The following LPGAT1 variants were observed in gnomAD, a reference collection of about 807,000 sequenced individuals.
The protein encoded by LPGAT1 is acyl-CoA:lysophosphatidylglycerol acyltransferase 1.
In LPGAT1, 11 loss-of-function variants were observed where a neutral mutation model predicts 47.5. The ratio of observed to expected loss-of-function variants is 0.23; its 90% CI spans 0.15 to 0.38. LPGAT1 has a LOEUF of 0.38. Among genes scored for constraint, LPGAT1 ranks in the 10% least tolerant of loss-of-function variants. The probability of loss-of-function intolerance (pLI) is 1.00; values close to 1 mark genes in which losing one functional copy is unlikely to be tolerated. For missense variants in LPGAT1, 293 were observed against 439.0 expected (o/e 0.67, Z 2.97); for synonymous variants, 138 against 144.2 (o/e 0.96, Z 0.31).
chr1:211,768,888 G>A (rs76691585), intron 6 of LPGAT1, among the ~76,000 whole-genome samples: 12,572 of 152,242 alleles, frequency 0.083, 647 homozygotes, highest in Admixed American at 0.15. Context: ...AAGACTTCTC[G>A]TGGAGGAGGA....
At position 211,743,801 on chromosome 1, in the gene LPGAT1, C is replaced by T. The variant is rs2102473757; in HGVS notation, c.*6098G>A. The T allele has an allele frequency of 6.6e-6, 1 of 152,122 alleles. No homozygotes were observed. The highest frequency in any genetic ancestry group is 2.1e-4 in the South Asian group (1 of 4,814). 9.4% of individuals were successfully genotyped at this position (152,122 alleles called of 1,614,324 possible). ...AATTAGAATCTCACCAAAACAGCAG[C>T]CTAAATACAGATAGAAAAATAAGAG... On this transcript the variant is annotated 3_prime_UTR_variant, in exon 8 of 8. Transcript: ENST00000366997.
intron 5 of LPGAT1, among the ~76,000 whole-genome samples, chr1:211,780,540 T>C (rs144656019): frequency 6.8e-4 from 104 of 152,342 alleles, no homozygotes; most frequent in African/African-American, 2.4e-3. Flanking sequence ...TAGGAATCAA[T>C]GATATATTAC....
Position 211,783,361 on chromosome 1 carries a change from C to A in LPGAT1, c.595G>T (p.Ala199Ser). 1 of 1,614,170 alleles carries A rather than the reference C, an allele frequency of 6.2e-7. No individual in the cohort carries two copies. Among genetic ancestry groups the A allele is most frequent in the African/African-American group, 1.3e-5 (1 of 75,054 alleles). The change falls in exon 5 of 8, where the codon GCC becomes TCC. Residue 199 changes from alanine to serine, a missense_variant. Ala to Ser is a moderately conservative substitution (Grantham distance 99). Coordinates refer to ENST00000366997, the MANE Select transcript of LPGAT1 (RefSeq NM_014873.3). ...RKRRETSQAF[A>S]KKNNLPFLTN... ...AGAAATGGCAAGTTATTTTTCTTGGCAAATGCCTGACTTGTTTCTCGCCTC... is the reference window on the plus strand; with the variant it reads ...AGAAATGGCAAGTTATTTTTCTTGGAAAATGCCTGACTTGTTTCTCGCCTC...
intron 3 of LPGAT1, among the ~76,000 whole-genome samples, chr1:211,789,874 A>AG (rs1659037781): frequency 6.6e-6 from 1 of 151,606 alleles, no homozygotes; most frequent in African/African-American, 2.4e-5. Flanking sequence ...TGTCTCAAAA[A>AG]AAAAAAAAAA....
rs1659203026 is a variant in LPGAT1 at position 211,793,134 on chromosome 1, C to G, written c.295G>C (p.Val99Leu). 1.2e-6 allele frequency: 2 copies of G among 1,610,804 alleles called. No homozygotes were observed. Among genetic ancestry groups the G allele is most frequent in the Non-Finnish European group, 1.7e-6 (2 of 1,178,540 alleles). The change falls in exon 3 of 8, where the codon GTG becomes CTG. Residue 99 changes from valine to leucine, a missense_variant. Physicochemically the swap from Val to Leu is conservative, Grantham distance 32. Transcript: ENST00000366997. Reference sequence around the variant, plus strand: ...ACATCTCCTGTTGCCTGATGATTCACCAACATCACTGCTTCATCTTTTGAA... The same window carrying G: ...ACATCTCCTGTTGCCTGATGATTCAGCAACATCACTGCTTCATCTTTTGAA... ...AVSKDEAVMLVNHQATGDVCT... is the reference protein window; with the variant it reads ...AVSKDEAVMLLNHQATGDVCT...
intron 1 of LPGAT1, chr1:211,829,715 A>G: frequency 8.8e-6 from 9 of 1,023,678 alleles, no homozygotes; most frequent in Non-Finnish European, 1.1e-5. Flanking sequence ...TGACCGAAAC[A>G]GGGTCCCCTC....
chr1:211,768,717 T>C (rs1397987362), intron 6 of LPGAT1, among the ~76,000 whole-genome samples: 1 of 152,244 alleles, frequency 6.6e-6, no homozygotes, highest in Non-Finnish European at 1.5e-5. Context: ...AATACCATTT[T>C]TATAATGCTC....
At position 211,747,259 on chromosome 1, in the gene LPGAT1, C is replaced by G. The variant is rs1656981175; in HGVS notation, c.*2640G>C. ...ACTGATAAGGAAAGCACTACCAATGCTTTCAAACATATTTTGCAAACAGAA... is the reference window on the plus strand; with the variant it reads ...ACTGATAAGGAAAGCACTACCAATGGTTTCAAACATATTTTGCAAACAGAA... On this transcript the variant is annotated 3_prime_UTR_variant, in exon 8 of 8. Transcript: ENST00000366997. 1 of 152,070 alleles carries G rather than the reference C, an allele frequency of 6.6e-6. No individual in the cohort carries two copies. Among genetic ancestry groups the G allele is most frequent in the Non-Finnish European group, 1.5e-5 (1 of 68,012 alleles). 9.4% of individuals were successfully genotyped at this position (152,070 alleles called of 1,614,324 possible).
At chr1:211,761,282 G>A (rs1047249116) in intron 6 of LPGAT1, among the ~76,000 whole-genome samples, 52 of 152,222 alleles carry the variant, frequency 3.4e-4, no homozygotes, top group African/African-American at 1.2e-3. Context: ...AATTCTGGTA[G>A]TCTTGGCACC....
chr1:211,819,158 G>A (rs374505813), intron 2 of LPGAT1, among the ~76,000 whole-genome samples: 4 of 152,082 alleles, frequency 2.6e-5, no homozygotes, highest in Non-Finnish European at 5.9e-5. Context: ...AAAAAACTGC[G>A]CAAAACTGCT....
At chr1:211,825,188 CTTTT>C (rs953536979) in intron 2 of LPGAT1, among the ~76,000 whole-genome samples, 5,210 of 70,270 alleles carry the variant, frequency 0.074, 34 homozygotes, top group Middle Eastern at 0.15. Flanking sequence ...GCACAGTCTT[CTTTT>C]TTTTTTTTTT....
chr1:211,830,647 C>T lies in LPGAT1; in HGVS notation c.-102G>A. 1 of 1,202,644 alleles carries T rather than the reference C, an allele frequency of 8.3e-7. No individual in the cohort carries two copies. Among genetic ancestry groups the T allele is most frequent in the Non-Finnish European group, 1.0e-6 (1 of 969,088 alleles). The allele number at this position is 1,202,644 out of a possible 1,614,324, so 74.5% of individuals were successfully genotyped here. A position where few individuals can be genotyped will look rare whatever the true frequency, so the allele number is the denominator to read the frequency against. On this transcript the variant is annotated 5_prime_UTR_variant, in exon 1 of 8. Coordinates refer to ENST00000366997, the MANE Select transcript of LPGAT1 (RefSeq NM_014873.3). This position sits in a 1 kb window ranked among gnomAD's most constrained non-coding sequence, Gnocchi z 5.9. ...AAGAATGCATGGCCGGCGGCGGGGC[C>T]GGCGGAAGAAGGCGGTGGCGGGGCC...
intron 3 of LPGAT1, among the ~76,000 whole-genome samples, chr1:211,790,436 T>C (rs1027202840): frequency 1.3e-5 from 2 of 152,188 alleles, no homozygotes; most frequent in African/African-American, 4.8e-5. Flanking sequence ...ATAGCCTTCC[T>C]TATTTGAAGG....
Position 211,784,970 on chromosome 1 carries a change from A to G in LPGAT1, c.454-1468T>C, listed in dbSNP as rs6693969. On this transcript the variant is annotated intron_variant, in intron 4 of 7. Coordinates refer to ENST00000366997, the MANE Select transcript of LPGAT1 (RefSeq NM_014873.3). ...AGGCGCCTGCCACCACACCCGGCTA[A>G]TTTTTTTTGTTTTTAGTAGAGATGG... 7.7e-3 allele frequency among the ~76,000 whole-genome samples: 1,164 copies of G among 151,604 alleles called. 20 individuals carry two copies. Among genetic ancestry groups the G allele is most frequent in the African/African-American group, 0.026 (1,082 of 41,302 alleles).
chr1:211,758,240 G>A (rs1008562165), intron 6 of LPGAT1, among the ~76,000 whole-genome samples: 1 of 152,170 alleles, frequency 6.6e-6, no homozygotes, highest in Non-Finnish European at 1.5e-5. Context: ...TACATATAAG[G>A]GTTAGGCTCA....
At chr1:211,826,302 C>A (rs1041500597) in intron 2 of LPGAT1, among the ~76,000 whole-genome samples, 1 of 152,116 alleles carries the variant, frequency 6.6e-6, no homozygotes, top group Middle Eastern at 3.2e-3. Flanking sequence ...CAAAAAAAAT[C>A]TGTTTAGAAC....
At chr1:211,817,353 C>T (rs909835374) in intron 2 of LPGAT1, among the ~76,000 whole-genome samples, 8 of 152,134 alleles carry the variant, frequency 5.3e-5, no homozygotes, top group African/African-American at 1.9e-4. Context: ...AGGTGGATCA[C>T]CTAAGGTCCG....
chr1:211,807,437 A>G (rs1051380816), intron 2 of LPGAT1, among the ~76,000 whole-genome samples: 52 of 152,276 alleles, frequency 3.4e-4, no homozygotes, highest in African/African-American at 1.2e-3. Context: ...AAGTCAGCAA[A>G]CTAGACTAGC....
At chr1:211,822,553 G>A (rs1340499368) in intron 2 of LPGAT1, among the ~76,000 whole-genome samples, 2 of 152,022 alleles carry the variant, frequency 1.3e-5, no homozygotes, top group Non-Finnish European at 2.9e-5. Flanking sequence ...GAGGCAGGTG[G>A]ATCACTTGAG....
Sources: allele counts gnomAD v4.1 joint callset (sites outside exome capture counted in the v4.1 genomes callset), GRCh38; gene constraint gnomAD v4.1.1; non-coding constraint Gnocchi (gnomAD v3.1); transcripts MANE v1.5; gene names NCBI Gene and HGNC (gene_info 2026-07-23, HGNC 2026-07-21).